UBA6: variants seen among roughly 807,000 people sequenced by gnomAD.
The protein encoded by UBA6 is ubiquitin like modifier activating enzyme 6.
Under a neutral mutation model 148.3 loss-of-function variants are expected in UBA6, and 87 were observed. The observed-to-expected ratio is 0.59, with a 90% CI of 0.49 to 0.70. The LOEUF is 0.70. UBA6 is among the 30% of genes least tolerant of loss of function. UBA6 has a pLI of 0.00. For missense variants in UBA6, 1,186 were observed against 1,241.2 expected (o/e 0.96, Z 0.67); for synonymous variants, 376 against 401.0 (o/e 0.94, Z 0.75).
intron 1 of UBA6, among the ~76,000 whole-genome samples, chr4:67,697,477 T>A (rs987496884): frequency 4.6e-5 from 7 of 152,232 alleles, no homozygotes; most frequent in African/African-American, 1.7e-4. Context: ...CCAGATTGTA[T>A]ACAACTGCCA....
chr4:67,663,262 T>C (rs1434200676), intron 11 of UBA6, 47 bp from the exon 12 acceptor site: 1 of 1,321,296 alleles, frequency 7.6e-7, no homozygotes, highest in Non-Finnish European at 1.1e-6. Flanking sequence ...AGTGGTTGTA[T>C]GTCCCAGGCA....
intron 3 of UBA6, 86 bp from the exon 4 acceptor site, chr4:67,681,677 T>TAA: frequency 1.1e-6 from 1 of 884,410 alleles, no homozygotes; most frequent in Non-Finnish European, 1.7e-6. Context: ...CATATCTGAC[T>TAA]GCATACTTTT....
rs572002612 is a variant in UBA6 at position 67,661,076 on chromosome 4, G to A, written c.1104+1113C>T. Among the ~76,000 whole-genome samples, 8 of 152,278 alleles carry A rather than the reference G, an allele frequency of 5.3e-5. No individual in the cohort carries two copies. The South Asian group carries it at 1.7e-3, about 32-fold the overall frequency. On this transcript the variant is annotated intron_variant, in intron 13 of 32. Coordinates refer to ENST00000322244, the MANE Select transcript of UBA6 (RefSeq NM_018227.6). ...ATGTCTGTACCCTCACTGTATCTAGGAAGTAACTAACTTGCTTCTGATTTT... is the reference window on the plus strand; with the variant it reads ...ATGTCTGTACCCTCACTGTATCTAGAAAGTAACTAACTTGCTTCTGATTTT...
chr4:67,622,391 T>C (rs1274278306), intron 32 of UBA6, among the ~76,000 whole-genome samples: 1 of 152,224 alleles, frequency 6.6e-6, no homozygotes, highest in Non-Finnish European at 1.5e-5. Context: ...CCTAACATAC[T>C]TGCCTTATTG....
intron 32 of UBA6, among the ~76,000 whole-genome samples, chr4:67,619,550 C>T (rs1044454091): frequency 1.3e-5 from 2 of 152,142 alleles, no homozygotes; most frequent in Admixed American, 1.3e-4. Flanking sequence ...GTGGCACATG[C>T]CCGTAATCCC....
rs758782041 is a variant in UBA6 at position 67,634,270 on chromosome 4, G to A, written c.1985C>T (p.Thr662Ile). The stretch of plus-strand genomic sequence containing the variant: ...TAAGACTTCTTCTGCAGATGAATAG[G>A]TTTGCCAAAATTTGTTAAACAATGA... ...KPSLFNKFWQ[T>I]YSSAEEVLQK... The change falls in exon 22 of 33, where the codon ACC becomes ATC. Residue 662 changes from threonine (T) to isoleucine (I), a missense_variant. By Grantham distance (89) the Thr-to-Ile change is moderately conservative. Transcript: ENST00000322244. The A allele has an allele frequency of 1.3e-6, 2 of 1,596,220 alleles. No homozygotes were observed. The highest frequency in any genetic ancestry group is 8.5e-7 in the Non-Finnish European group (1 of 1,175,284).
chr4:67,639,662 C>A (rs768242755), intron 18 of UBA6, among the ~76,000 whole-genome samples: 3 of 152,022 alleles, frequency 2.0e-5, no homozygotes, highest in Non-Finnish European at 2.9e-5. Flanking sequence ...CTTCCACAAC[C>A]CCCCAAAATG....
intron 26 of UBA6, among the ~76,000 whole-genome samples, chr4:67,629,409 A>G (rs1029330618): frequency 1.3e-5 from 2 of 151,854 alleles, no homozygotes; most frequent in Admixed American, 6.6e-5. Flanking sequence ...TTTAAAAGGC[A>G]TTTTTAGGAC....
At chr4:67,681,989 A>T in intron 3 of UBA6, 130 bp downstream of exon 3, 1 of 691,288 alleles carries the variant, frequency 1.4e-6, no homozygotes, top group Non-Finnish European at 2.5e-6. Flanking sequence ...GACAAAGATT[A>T]AAAACTCAAT....
rs763647089 is a variant in UBA6 at position 67,635,481 on chromosome 4, G to A, written c.1814C>T (p.Pro605Leu). 7.5e-6 allele frequency: 12 copies of A among 1,608,104 alleles called. No homozygotes were observed. Among genetic ancestry groups the A allele is most frequent in the Non-Finnish European group, 1.0e-5 (12 of 1,175,032 alleles). The change falls in exon 20 of 33, where the codon CCG becomes CTG. Residue 605 changes from proline to leucine, a missense_variant. Pro to Leu is a moderately conservative substitution (Grantham distance 98). Transcript: ENST00000322244. ...ACTATTGTAAGACTCAGTCAAATGC[G>A]GTACAATAACTTCAGTGTGTCCCTT... ...GTKGHTEVIV[P>L]HLTESYNSHR...
chr4:67,665,449 TGAA>T (rs1157485769), intron 9 of UBA6, among the ~76,000 whole-genome samples, 157 bp from the exon 10 acceptor site: 2 of 148,586 alleles, frequency 1.3e-5, no homozygotes, highest in African/African-American at 5.0e-5. Context: ...TTTTTTTTAA[TGAA>T]GAGCTGGGAG....
At chr4:67,689,879 A>G (rs1387332803) in intron 2 of UBA6, among the ~76,000 whole-genome samples, 2 of 152,142 alleles carry the variant, frequency 1.3e-5, no homozygotes, top group Non-Finnish European at 2.9e-5. Context: ...TCTAAGACTC[A>G]GACACTGTCA....
chr4:67,625,197 C>T lies in UBA6; in HGVS notation c.2519-10G>A, dbSNP rs1440223318. Reference sequence around the variant, plus strand: ...GCCATCTGAAGGTCACCTGATTATACCAACCAGATAAACAAAGTTCCACAG... The same window carrying T: ...GCCATCTGAAGGTCACCTGATTATATCAACCAGATAAACAAAGTTCCACAG... On this transcript the variant is annotated splice_polypyrimidine_tract_variant and intron_variant, in intron 28 of 32. Transcript: ENST00000322244. The T allele has an allele frequency of 6.3e-7, 1 of 1,584,454 alleles. No individual in the cohort carries two copies. Among genetic ancestry groups the T allele is most frequent in the Non-Finnish European group, 8.6e-7 (1 of 1,163,252 alleles).
At chr4:67,646,576 T>C in intron 15 of UBA6, 148 bp downstream of exon 15, 2 of 563,452 alleles carry the variant, frequency 3.5e-6, no homozygotes, top group South Asian at 4.1e-5. Context: ...TATGACATTA[T>C]TATGACACTT....
chr4:67,648,072 T>C (rs924175758), intron 14 of UBA6, among the ~76,000 whole-genome samples: 14 of 151,904 alleles, frequency 9.2e-5, no homozygotes, highest in African/African-American at 3.4e-4. Flanking sequence ...TGCGCCTGCC[T>C]TAACGGTCAT....
chr4:67,662,111 G>T (rs556976600), intron 13 of UBA6, 78 bp downstream of exon 13: 4 of 1,382,392 alleles, frequency 2.9e-6, no homozygotes, highest in Non-Finnish European at 4.1e-6. Context: ...GGATGTGAAG[G>T]ATAAGAGAAT....
chr4:67,695,720 T>G (rs1730816855), intron 2 of UBA6, among the ~76,000 whole-genome samples: 1 of 152,202 alleles, frequency 6.6e-6, no homozygotes, highest in Non-Finnish European at 1.5e-5. Context: ...AGGTGACTTC[T>G]AAACCATATT....
rs1431199486 is a variant in UBA6, at chr4:67,673,743, T to C, written c.500A>G (p.Gln167Arg). 2.5e-6 allele frequency: 4 copies of C among 1,612,382 alleles called. No individual in the cohort carries two copies. The South Asian group carries it at 4.4e-5, about 18-fold the overall frequency. ...ACGGCAAAAGTCATTGATCTTCTTC[T>C]GCAATGGAAGTTTCATCTCAGTCAA... ...VVLTEMKLPL[Q>R]KKINDFCRSQ... Residue 167 changes from glutamine (Q) to arginine (R), a missense_variant, in exon 7 of 33, where the codon CAG becomes CGG. Physicochemically the swap from Gln to Arg is conservative, Grantham distance 43. Coordinates refer to ENST00000322244, the MANE Select transcript of UBA6 (RefSeq NM_018227.6).
intron 2 of UBA6, among the ~76,000 whole-genome samples, chr4:67,695,618 C>T (rs1314835996): frequency 6.6e-6 from 1 of 152,160 alleles, no homozygotes; most frequent in African/African-American, 2.4e-5. Flanking sequence ...AAAACAGTAC[C>T]AGGCATTTAA....
Sources: allele counts gnomAD v4.1 joint callset (sites outside exome capture counted in the v4.1 genomes callset), GRCh38; gene constraint gnomAD v4.1.1; transcripts MANE v1.5; gene names NCBI Gene and HGNC (gene_info 2026-07-23, HGNC 2026-07-21).